The following ZFHX2 variants were observed in gnomAD, a reference collection of about 807,000 sequenced individuals.
ZFHX2 encodes the protein zinc finger homeobox 2.
ZFHX2 carries 75 observed loss-of-function variants against 164.8 expected under a neutral mutation model. The observed-to-expected ratio is 0.46, with a 90% CI of 0.38 to 0.55. ZFHX2 has a LOEUF of 0.55. Ranked by LOEUF, ZFHX2 falls within the 20% of genes least tolerant of loss-of-function variation. The pLI is 0.00. For missense variants in ZFHX2, 2,933 were observed against 3,308.0 expected, an observed-to-expected ratio of 0.89 and a Z score of 2.78; for synonymous variants, 1,217 against 1,351.4, an observed-to-expected ratio of 0.90 and a Z score of 2.18.
rs1363904359 is a variant in ZFHX2, at chr14:23,525,595, A to G, written c.4347T>C (p.Phe1449=). The change falls in exon 9 of 10, where the codon TTT becomes TTC. Residue 1449 remains phenylalanine (F), a synonymous_variant. Coordinates refer to ENST00000419474, the MANE Select transcript of ZFHX2 (RefSeq NM_033400.3). This position sits in a 1 kb window ranked among gnomAD's most constrained non-coding sequence, Gnocchi z 5.9. ...CTTCATTGTACTGGATCACCAGCTC[A>G]AAGCCAAAGTTTTCTAGAAGGGCTT... ...AAKALLENFG[F]ELVIQYNEGK... The G allele has an allele frequency of 3.3e-6, 5 of 1,535,544 alleles. No individual in the cohort carries two copies. Among genetic ancestry groups the G allele is most frequent in the East Asian group, 2.4e-5 (1 of 40,882 alleles).
Position 23,532,567 on chromosome 14 carries a change from C to T in ZFHX2, c.2559G>A (p.Lys853=). ...AAHEENSQIY[K]FLLDMEGAEA... The stretch of plus-strand genomic sequence containing the variant: ...ATGGCCCTTCCTGACCCAGCCTCAC[C>T]TTATAGATTTGGCTGTTTTCTTCGT... The change falls in exon 3 of 10, where the codon AAG becomes AAA. Residue 853 remains lysine (K), a splice_region_variant and synonymous_variant. Transcript: ENST00000419474. 6.9e-7 allele frequency: 1 copy of T among 1,440,296 alleles called. No homozygotes were observed. Among genetic ancestry groups the T allele is most frequent in the Non-Finnish European group, 9.1e-7 (1 of 1,100,388 alleles). 89.2% of individuals were successfully genotyped at this position (1,440,296 alleles called of 1,614,324 possible).
chr14:23,531,848 A>G (rs1222655174), intron 3 of ZFHX2, 127 bp from the exon 4 acceptor site: 18 of 1,187,310 alleles, frequency 1.5e-5, no homozygotes, highest in Non-Finnish European at 1.6e-5. Flanking sequence ...CATGATCTCT[A>G]CTCACTGAAG....
At position 23,521,023 on chromosome 14, in the gene ZFHX2, T is replaced by C. The variant is rs1453096329; in HGVS notation, c.*939A>G. ...TTCAGTTTTTTTTTTTGAAAGAACT[T>C]TGGATTTGCCGTTGGTGGGCAGTGC... On this transcript the variant is annotated 3_prime_UTR_variant, in exon 10 of 10. Coordinates refer to ENST00000419474, the MANE Select transcript of ZFHX2 (RefSeq NM_033400.3). 6.6e-6 allele frequency: 1 copy of C among 152,148 alleles called. No individual in the cohort carries two copies. The highest frequency in any genetic ancestry group is 2.4e-5 in the African/African-American group (1 of 41,416). 9.4% of individuals were successfully genotyped at this position (152,148 alleles called of 1,614,324 possible). A position where few individuals can be genotyped will look rare whatever the true frequency, so the allele number is the denominator to read the frequency against.
rs1362284706 is a variant in ZFHX2 at position 23,533,851 on chromosome 14, T to A, written c.1475A>T (p.His492Leu). ...GCTCTCTCCACGAGCAAGGCGGGGG[T>A]GGGCGCCCCCAGCACTGCAGTAGCT... ...HCSYCSAGGA[H>L]PRLARGESYN... The change falls in exon 2 of 10, where the codon CAC becomes CTC. Residue 492 changes from histidine (H) to leucine (L), a missense_variant. Transcript: ENST00000419474. The surrounding 1 kb of genome is among the most constrained non-coding windows in gnomAD (Gnocchi z 4.8). 6.5e-7 allele frequency: 1 copy of A among 1,538,822 alleles called. No individual in the cohort carries two copies. The highest frequency in any genetic ancestry group is 8.7e-7 in the Non-Finnish European group (1 of 1,147,988).
In ZFHX2 at chr14:23,534,108, C is replaced by G; in HGVS notation, c.1218G>C (p.Val406=). Residue 406 remains valine, a synonymous_variant, in exon 2 of 10, where the codon GTG becomes GTC. Transcript: ENST00000419474. This position sits in a 1 kb window ranked among gnomAD's most constrained non-coding sequence, Gnocchi z 4.5. ...SKEGGTLPAP[V]GSPEDPSDPP... is the part of the protein sequence containing the mutation. ...GGTCACTGGGGTCTTCGGGGGAGCC[C>G]ACTGGGGCAGGGAGAGTGCCCCCCT... is the stretch of plus-strand genomic sequence containing the variant. The G allele has an allele frequency of 6.7e-7, 1 of 1,491,636 alleles. No individual in the cohort carries two copies. The highest frequency in any genetic ancestry group is 8.9e-7 in the Non-Finnish European group (1 of 1,123,490). 92.4% of individuals were successfully genotyped at this position (1,491,636 alleles called of 1,614,324 possible). A position where few individuals can be genotyped will look rare whatever the true frequency, so the allele number is the denominator to read the frequency against.
At chr14:23,547,195 C>CTTTA (rs2138910815) in intron 1 of ZFHX2, among the ~76,000 whole-genome samples, 1 of 152,338 alleles carries the variant, frequency 6.6e-6, no homozygotes, top group South Asian at 2.1e-4. Context: ...TCACAGGGTT[C>CTTTA]TTTACATCAA....
chr14:23,526,449 C>G lies in ZFHX2; in HGVS notation c.3493G>C (p.Ala1165Pro). The G allele has an allele frequency of 6.5e-7, 1 of 1,536,244 alleles. No individual in the cohort carries two copies. Among genetic ancestry groups the G allele is most frequent in the South Asian group, 1.2e-5 (1 of 84,054 alleles). The change falls in exon 9 of 10, where the codon GCT becomes CCT. Residue 1165 changes from alanine to proline, a missense_variant. Physicochemically the swap from Ala to Pro is conservative, Grantham distance 27. Transcript: ENST00000419474. ...GELRSAEPAP[A>P]DSRHPLTYRK... Reference sequence around the variant, plus strand: ...TAGGTCAGAGGGTGGCGAGAGTCAGCTGGAGCTGGCTCTGCAGAGCGGAGC... The same window carrying G: ...TAGGTCAGAGGGTGGCGAGAGTCAGGTGGAGCTGGCTCTGCAGAGCGGAGC...
At chr14:23,527,890 C>A in intron 6 of ZFHX2, 86 bp from the exon 7 acceptor site, 1 of 1,144,824 alleles carries the variant, frequency 8.7e-7, no homozygotes, top group Non-Finnish European at 1.2e-6. Context: ...AGCACTGGCC[C>A]GCCCCCACTC....
At position 23,534,128 on chromosome 14, in the gene ZFHX2, C is replaced by A. The variant is rs1879895087; in HGVS notation, c.1198G>T (p.Gly400Cys). Residue 400 changes from glycine (G) to cysteine (C), a missense_variant, in exon 2 of 10, where the codon GGC (glycine) becomes TGC (cysteine). Transcript: ENST00000419474. This position sits in a 1 kb window ranked among gnomAD's most constrained non-coding sequence, Gnocchi z 4.5. ...GAGCCCACTGGGGCAGGGAGAGTGC[C>A]CCCCTCCTTGGAGGTGGGTGAGCTT... ...NQSSPTSKEG[G>C]TLPAPVGSPE... 6.8e-7 allele frequency: 1 copy of A among 1,480,062 alleles called. No individual in the cohort carries two copies. Among genetic ancestry groups the A allele is most frequent in the African/African-American group, 1.4e-5 (1 of 71,436 alleles). The allele number at this position is 1,480,062 out of a possible 1,614,324, so 91.7% of individuals were successfully genotyped here.
chr14:23,545,446 T>G (rs1300829646), intron 1 of ZFHX2, among the ~76,000 whole-genome samples: 5 of 152,300 alleles, frequency 3.3e-5, no homozygotes, highest in Non-Finnish European at 7.4e-5. Context: ...CTTTCTCATT[T>G]AAATTGTGGC....
chr14:23,525,831 C>A lies in ZFHX2; in HGVS notation c.4111G>T (p.Asp1371Tyr). Residue 1371 changes from aspartate (D) to tyrosine (Y), a missense_variant, in exon 9 of 10, where the codon GAT (aspartate) becomes TAT (tyrosine). Coordinates refer to ENST00000419474, the MANE Select transcript of ZFHX2 (RefSeq NM_033400.3). The surrounding 1 kb of genome is among the most constrained non-coding windows in gnomAD (Gnocchi z 5.9). The part of the protein sequence containing the change: ...QQLLLPFYLH[D>Y]LKVGPKLTLA... ...GTCAGCTTGGGCCCCACCTTGAGAT[C>A]GTGGAGGTAGAAGGGCAGGAGCAGC... is the stretch of plus-strand genomic sequence containing the variant. 1 of 1,457,048 alleles carries A rather than the reference C, an allele frequency of 6.9e-7. No individual in the cohort carries two copies. The highest frequency in any genetic ancestry group is 1.4e-5 in the South Asian group (1 of 69,916). 90.3% of individuals were successfully genotyped at this position (1,457,048 alleles called of 1,614,324 possible). A position where few individuals can be genotyped will look rare whatever the true frequency, so the allele number is the denominator to read the frequency against.
chr14:23,529,987 T>C, intron 5 of ZFHX2, 133 bp downstream of exon 5: 1 of 1,049,418 alleles, frequency 9.5e-7, no homozygotes, highest in Non-Finnish European at 1.4e-6. Flanking sequence ...CAGCCTCCCT[T>C]CCCCCTGATG....
At chr14:23,527,849 G>T (rs1209286504) in intron 6 of ZFHX2, 45 bp from the exon 7 acceptor site, 1 of 1,513,268 alleles carries the variant, frequency 6.6e-7, no homozygotes, top group East Asian at 2.5e-5. Context: ...AGGGAAGGAT[G>T]GGACCCACCA....
At chr14:23,547,598 G>A (rs1264725805) in intron 1 of ZFHX2, among the ~76,000 whole-genome samples, 1 of 152,104 alleles carries the variant, frequency 6.6e-6, no homozygotes, top group Admixed American at 6.5e-5. Context: ...TCCCCTGGCT[G>A]CCTCCAAGTG....
rs770611795 is a variant in ZFHX2, at chr14:23,527,769, T to C, written c.2970A>G (p.Pro990=). ...TATGAGCCCTCACCTGGCTGGACTC[T>C]GGGCTCAGGAAGCTGCAGTATGGAC... is the stretch of plus-strand genomic sequence containing the variant. ...YCCPYCSFLS[P]ESSQVRAHTL... is the part of the protein sequence containing the mutation. Residue 990 remains proline, a synonymous_variant, in exon 7 of 10, where the codon CCA becomes CCG. Transcript: ENST00000419474. The C allele has an allele frequency of 2.4e-5, 37 of 1,536,014 alleles. No individual in the cohort carries two copies. In the Admixed American group the frequency reaches 5.1e-4, roughly 21 times the overall value.
rs1878208334 is a variant in ZFHX2 at position 23,522,897 on chromosome 14, G to A, written c.6784C>T (p.Leu2262=). Residue 2262 remains leucine, a synonymous_variant, in exon 10 of 10, where the codon CTG becomes TTG. Coordinates refer to ENST00000419474, the MANE Select transcript of ZFHX2 (RefSeq NM_033400.3). The part of the protein sequence containing the change: ...SGLLGLATSV[L]PTTTVVQTAG... Reference sequence around the variant, plus strand: ...GTCTGGACCACTGTGGTGGTAGGCAGGACCGAAGTGGCGAGGCCGAGGAGG... The same window carrying A: ...GTCTGGACCACTGTGGTGGTAGGCAAGACCGAAGTGGCGAGGCCGAGGAGG... 1.4e-6 allele frequency: 2 copies of A among 1,475,584 alleles called. No homozygotes were observed. The highest frequency in any genetic ancestry group is 1.8e-6 in the Non-Finnish European group (2 of 1,117,092). 91.4% of individuals were successfully genotyped at this position (1,475,584 alleles called of 1,614,324 possible).
Position 23,523,150 on chromosome 14 carries a change from C to A in ZFHX2, c.6739+53G>T. On this transcript the variant is annotated intron_variant, in intron 9 of 9. Coordinates refer to ENST00000419474, the MANE Select transcript of ZFHX2 (RefSeq NM_033400.3). The surrounding 1 kb of genome is among the most constrained non-coding windows in gnomAD (Gnocchi z 4.1). ...TCAGGAAGGAAAAGGAAGGGCATGT[C>A]ATTAGAGGGGGATGTTCTCTGAAGT... The A allele has an allele frequency of 7.1e-7, 1 of 1,409,738 alleles. No homozygotes were observed. Among genetic ancestry groups the A allele is most frequent in the South Asian group, 1.7e-5 (1 of 59,820 alleles). 87.3% of individuals were successfully genotyped at this position (1,409,738 alleles called of 1,614,324 possible).
chr14:23,537,129 G>A (rs193075460), intron 1 of ZFHX2, among the ~76,000 whole-genome samples: 288 of 152,176 alleles, frequency 1.9e-3, no homozygotes, highest in African/African-American at 6.6e-3. Flanking sequence ...ACTTCAGCCT[G>A]GGCAACAAGA....
chr14:23,550,221 G>C (rs1403932215), intron 1 of ZFHX2, among the ~76,000 whole-genome samples: 1 of 152,240 alleles, frequency 6.6e-6, no homozygotes, highest in Non-Finnish European at 1.5e-5. Flanking sequence ...TCTGGTGATG[G>C]TGGAAGAGGA....
Sources: allele counts gnomAD v4.1 joint callset (sites outside exome capture counted in the v4.1 genomes callset), GRCh38; gene constraint gnomAD v4.1.1; non-coding constraint Gnocchi (gnomAD v3.1); transcripts MANE v1.5; gene names NCBI Gene and HGNC (gene_info 2026-07-23, HGNC 2026-07-21).